MAGI2: variants seen among roughly 807,000 people sequenced by gnomAD.
MAGI2 encodes the protein membrane associated guanylate kinase, WW and PDZ domain containing 2.
A neutral mutation model predicts 133.3 loss-of-function variants in MAGI2; 35 were observed. The ratio of observed to expected loss-of-function variants is 0.26; its 90% CI spans 0.20 to 0.35. The LOEUF is 0.35. Among genes scored for constraint, MAGI2 ranks in the 10% least tolerant of loss-of-function variants. The pLI is 1.00. For synonymous variants in MAGI2, 729 were observed against 710.6 expected (o/e 1.03, Z -0.41); for missense variants, 1,636 against 1,863.4 (o/e 0.88, Z 2.25).
chr7:78,510,244 A>G (rs1795454279), intron 4 of MAGI2, among the ~76,000 whole-genome samples: 3 of 152,202 alleles, frequency 2.0e-5, no homozygotes, highest in Non-Finnish European at 4.4e-5. Flanking sequence ...CTAGGTTTGA[A>G]TCTGTCCTTT....
At chr7:79,226,574 G>C (rs1830877165) in intron 1 of MAGI2, among the ~76,000 whole-genome samples, 1 of 152,132 alleles carries the variant, frequency 6.6e-6, no homozygotes, top group Non-Finnish European at 1.5e-5. Context: ...GAAACAGGTT[G>C]AGCTATCTGC....
At chr7:78,786,656 T>G (rs2151356828) in intron 2 of MAGI2, among the ~76,000 whole-genome samples, 1 of 152,326 alleles carries the variant, frequency 6.6e-6, no homozygotes, top group Non-Finnish European at 1.5e-5. Flanking sequence ...TCTCTATGGC[T>G]ACCTTCCTTG....
At chr7:78,632,408 C>A (rs1186228063) in intron 2 of MAGI2, among the ~76,000 whole-genome samples, 1 of 152,022 alleles carries the variant, frequency 6.6e-6, no homozygotes, top group South Asian at 2.1e-4. Flanking sequence ...AGAAAAAGAC[C>A]TGAAGGGGAG....
Position 78,256,327 on chromosome 7 carries a change from A to T in MAGI2, c.1663T>A (p.Ser555Thr), listed in dbSNP as rs1462706282. 1 of 1,614,092 alleles carries T rather than the reference A, an allele frequency of 6.2e-7. No individual in the cohort carries two copies. Among genetic ancestry groups the T allele is most frequent in the Admixed American group, 1.7e-5 (1 of 60,012 alleles). The part of the protein sequence containing the change: ...ETYLEYISRT[S>T]QSVPDITDRP... ...TCTGTTATATCTGGAACTGACTGTG[A>T]GGTCCGAGAAATGTACTCCAAATAT... The change falls in exon 10 of 22, where the codon TCA becomes ACA. Residue 555 changes from serine (S) to threonine (T), a missense_variant. Ser to Thr is a moderately conservative substitution (Grantham distance 58). This residue lies in a region of MAGI2 where 920 missense variants were observed against 1,093.5 expected (regional missense o/e 0.84). Coordinates refer to ENST00000354212, the MANE Select transcript of MAGI2 (RefSeq NM_012301.4).
At chr7:79,022,696 C>T (rs1385479891) in intron 1 of MAGI2, among the ~76,000 whole-genome samples, 1 of 147,854 alleles carries the variant, frequency 6.8e-6, no homozygotes, top group Non-Finnish European at 1.5e-5. Context: ...GACATTACAA[C>T]TGGCCACACA....
intron 2 of MAGI2, among the ~76,000 whole-genome samples, chr7:78,890,797 C>T (rs961488826): frequency 6.6e-6 from 1 of 152,064 alleles, no homozygotes; most frequent in African/African-American, 2.4e-5. Flanking sequence ...AATTGACACC[C>T]TAACATCACA....
chr7:79,174,954 A>G (rs1357218052), intron 1 of MAGI2, among the ~76,000 whole-genome samples: 1 of 151,910 alleles, frequency 6.6e-6, no homozygotes, highest in Non-Finnish European at 1.5e-5. Context: ...CAATATATCA[A>G]GAACCTAAAT....
chr7:79,012,989 C>T (rs964559769), intron 1 of MAGI2, among the ~76,000 whole-genome samples: 1 of 152,082 alleles, frequency 6.6e-6, no homozygotes, highest in African/African-American at 2.4e-5. Flanking sequence ...ATTTAATTAC[C>T]TGTCAAATAG....
chr7:78,067,675 C>A (rs1351311189), intron 21 of MAGI2, among the ~76,000 whole-genome samples: 1 of 152,136 alleles, frequency 6.6e-6, no homozygotes, highest in Non-Finnish European at 1.5e-5. Context: ...ATGTGTGATT[C>A]TTAAGTTTAG....
intron 3 of MAGI2, among the ~76,000 whole-genome samples, chr7:78,573,284 T>TATTTATATATAAATATATATATATTTA (rs1563188890): frequency 0.018 from 491 of 26,848 alleles, 6 homozygotes; most frequent in South Asian, 0.074. Flanking sequence ...ATATATATAT[T>TATTTATATATAAATATATATATATTTA]TATATAAATA....
chr7:78,291,311 C>A (rs549815806), intron 9 of MAGI2, among the ~76,000 whole-genome samples: 12 of 152,284 alleles, frequency 7.9e-5, no homozygotes, highest in African/African-American at 2.6e-4. Flanking sequence ...CACATCTATG[C>A]AAATAAACTA....
rs147258137 is a variant in MAGI2, at chr7:78,769,489, G to A, written c.419-142250C>T. Among the ~76,000 whole-genome samples, 680 of 122,818 alleles carry A rather than the reference G, an allele frequency of 5.5e-3. 3 individuals carry two copies. The highest frequency in any genetic ancestry group is 0.015 in the Middle Eastern group (4 of 270). The allele number at this position is 122,818 out of a possible 152,430, so 80.6% of individuals were successfully genotyped here. On this transcript the variant is annotated intron_variant, in intron 2 of 21. Coordinates refer to ENST00000354212, the MANE Select transcript of MAGI2 (RefSeq NM_012301.4). ...GGGTAGTTTGTACTGAAGTAAAACC[G>A]TCACCACCCACTCCCCATTCAAGCG...
intron 1 of MAGI2, among the ~76,000 whole-genome samples, chr7:79,105,212 T>C (rs1818345335): frequency 6.6e-6 from 1 of 152,160 alleles, no homozygotes; most frequent in Non-Finnish European, 1.5e-5. Flanking sequence ...CACTCTGAGG[T>C]ATAGTATATG....
Position 78,256,231 on chromosome 7 carries a change from G to A in MAGI2, c.1759C>T (p.His587Tyr). 1.2e-6 allele frequency: 2 copies of A among 1,614,076 alleles called. No individual in the cohort carries two copies. The highest frequency in any genetic ancestry group is 1.7e-6 in the Non-Finnish European group (2 of 1,179,994). Residue 587 changes from histidine to tyrosine, a missense_variant, in exon 10 of 22, where the codon CAT becomes TAT. This residue lies in a region of MAGI2 where 920 missense variants were observed against 1,093.5 expected (regional missense o/e 0.84). Transcript: ENST00000354212. ...GAAGCCATAGACACATTGTCATCAT[G>A]GACGGGCGGTGGATACGTGCCGTCT... ...QLDGTYPPPV[H>Y]DDNVSMASSG...
intron 1 of MAGI2, among the ~76,000 whole-genome samples, chr7:79,108,625 T>C (rs1818642224): frequency 6.6e-6 from 1 of 152,226 alleles, no homozygotes; most frequent in South Asian, 2.1e-4. Flanking sequence ...ACTTTGTATA[T>C]CCCTGCTCTA....
intron 3 of MAGI2, among the ~76,000 whole-genome samples, chr7:78,537,170 TACAC>T (rs3086437): frequency 0.12 from 17,602 of 146,192 alleles, 1,289 homozygotes; most frequent in East Asian, 0.34. Flanking sequence ...AGTATTCCAC[TACAC>T]ACACACACAC....
intron 2 of MAGI2, among the ~76,000 whole-genome samples, chr7:78,843,930 T>C (rs1306979657): frequency 1.3e-5 from 2 of 149,546 alleles, no homozygotes; most frequent in Non-Finnish European, 1.5e-5. Flanking sequence ...CAATTCATTT[T>C]TGATTATTTT....
Position 79,445,602 on chromosome 7 carries a change from A to G in MAGI2, c.301+7418T>C, listed in dbSNP as rs192794728. On this transcript the variant is annotated intron_variant, in intron 1 of 21. Transcript: ENST00000354212. ...ACTGGCCATCAGAGAAGTGCAAATC[A>G]AAACCACAATGAGATACCATCTCAC... Among the ~76,000 whole-genome samples the G allele has an allele frequency of 6.2e-3, 937 of 152,356 alleles. 4 individuals carry two copies. The highest frequency in any genetic ancestry group is 7.6e-3 in the Non-Finnish European group (514 of 68,034).
At chr7:78,762,373 G>T (rs908439490) in intron 2 of MAGI2, among the ~76,000 whole-genome samples, 5 of 152,030 alleles carry the variant, frequency 3.3e-5, no homozygotes, top group African/African-American at 4.8e-5. Context: ...AACCTGGGAG[G>T]CGGAGGTTGC....
Sources: gnomAD v4.1 joint callset for allele counts (sites outside exome capture counted in the v4.1 genomes callset) on GRCh38, gnomAD v4.1.1 for gene constraint, gnomAD v4.1.1 regional missense constraint, MANE v1.5 for transcripts, NCBI Gene and HGNC (gene_info 2026-07-23, HGNC 2026-07-21) for gene names.